PCGF5: variants seen among roughly 807,000 people sequenced by gnomAD.
PCGF5 encodes polycomb group ring finger 5.
A neutral mutation model predicts 44.3 loss-of-function variants in PCGF5; 9 were observed. That is an observed-to-expected ratio of 0.20 (90% CI 0.12 to 0.35). The LOEUF (loss-of-function observed/expected upper bound fraction) is 0.35, where lower values mean the gene tolerates loss of function less well. Among genes scored for constraint, PCGF5 ranks in the 10% least tolerant of loss-of-function variants. The probability of loss-of-function intolerance (pLI) is 1.00; values close to 1 mark genes in which losing one functional copy is unlikely to be tolerated. For missense variants in PCGF5, 146 were observed against 305.3 expected (o/e 0.48, Z 3.89); for synonymous variants, 95 against 102.5 (o/e 0.93, Z 0.44).
At chr10:91,180,996 T>G (rs1200728744) in intron 1 of PCGF5, among the ~76,000 whole-genome samples, 3 of 152,244 alleles carry the variant, frequency 2.0e-5, no homozygotes, top group African/African-American at 4.8e-5. Flanking sequence ...GGAATGTTTT[T>G]CAATTTGTGT....
intron 6 of PCGF5, 145 bp downstream of exon 6, chr10:91,251,585 C>A: frequency 3.6e-6 from 3 of 828,990 alleles, no homozygotes; most frequent in Non-Finnish European, 3.7e-6. Flanking sequence ...CTTTGACAAT[C>A]CTATGCTTAG....
chr10:91,185,356 C>T (rs1401594660), intron 1 of PCGF5, among the ~76,000 whole-genome samples: 1 of 152,218 alleles, frequency 6.6e-6, no homozygotes, highest in East Asian at 1.9e-4. Flanking sequence ...TTTGGACTCT[C>T]CAAAGCCCAC....
At chr10:91,226,716 G>A (rs975545428) in intron 2 of PCGF5, among the ~76,000 whole-genome samples, 13 of 152,080 alleles carry the variant, frequency 8.5e-5, no homozygotes, top group Non-Finnish European at 1.6e-4. Context: ...CCCAAAAGGT[G>A]AGCTCATCAA....
intron 5 of PCGF5, 112 bp from the exon 6 acceptor site, chr10:91,251,180 C>T: frequency 2.8e-6 from 2 of 705,258 alleles, no homozygotes; most frequent in Non-Finnish European, 4.3e-6. Context: ...TCTTCAAAAA[C>T]TGTTAGGAAA....
At chr10:91,227,625 G>T in intron 2 of PCGF5, 2 of 1,121,282 alleles carry the variant, frequency 1.8e-6, no homozygotes, top group Non-Finnish European at 2.2e-6. Context: ...GTGTCCAAGT[G>T]GTAATAATTA....
intron 1 of PCGF5, among the ~76,000 whole-genome samples, chr10:91,180,109 C>CT (rs1183405698): frequency 6.6e-6 from 1 of 152,066 alleles, no homozygotes; most frequent in East Asian, 1.9e-4. Flanking sequence ...TGATGTTGAG[C>CT]TTTTTTTCAT....
At chr10:91,192,699 T>A (rs1471875817) in intron 1 of PCGF5, among the ~76,000 whole-genome samples, 2 of 152,192 alleles carry the variant, frequency 1.3e-5, no homozygotes, top group Non-Finnish European at 2.9e-5. Context: ...AGTAAACATT[T>A]ATTATATGGT....
At chr10:91,191,164 C>G (rs1478263683) in intron 1 of PCGF5, among the ~76,000 whole-genome samples, 1 of 152,140 alleles carries the variant, frequency 6.6e-6, no homozygotes, top group East Asian at 1.9e-4. Context: ...ACAAATTAGG[C>G]ACAGTAAAAG....
intron 3 of PCGF5, among the ~76,000 whole-genome samples, chr10:91,244,450 A>T (rs1845407192): frequency 1.3e-5 from 2 of 152,178 alleles, no homozygotes; most frequent in Non-Finnish European, 2.9e-5. Flanking sequence ...GAGCAGAGAG[A>T]TCATGAGATT....
chr10:91,169,660 C>A lies in PCGF5; in HGVS notation c.-184+6579C>A, dbSNP rs1475848689. Among the ~76,000 whole-genome samples, 7 of 151,988 alleles carry A rather than the reference C, an allele frequency of 4.6e-5. No individual in the cohort carries two copies. The East Asian group carries it at 1.2e-3, about 25-fold the overall frequency. On this transcript the variant is annotated intron_variant, in intron 1 of 9. Coordinates refer to the PCGF5 transcript ENST00000614189. Reference sequence around the variant, plus strand: ...GAATTAAGTAAATGGAGATATAGTCCATCTTCATAGGTAGGAAGACTCAAT... The same window carrying A: ...GAATTAAGTAAATGGAGATATAGTCAATCTTCATAGGTAGGAAGACTCAAT...
At chr10:91,264,199 G>T (rs1845993797) in intron 7 of PCGF5, among the ~76,000 whole-genome samples, 1 of 152,094 alleles carries the variant, frequency 6.6e-6, no homozygotes, top group African/African-American at 2.4e-5. Context: ...TTGAGATACA[G>T]GTATATGGGA....
chr10:91,256,028 G>A (rs1845744886), intron 6 of PCGF5, among the ~76,000 whole-genome samples: 1 of 151,810 alleles, frequency 6.6e-6, no homozygotes, highest in South Asian at 2.1e-4. Flanking sequence ...TTTTTGATCT[G>A]TGATTGCTTG....
chr10:91,198,914 C>T (rs747207999), intron 1 of PCGF5, among the ~76,000 whole-genome samples: 2 of 152,120 alleles, frequency 1.3e-5, no homozygotes, highest in African/African-American at 4.8e-5. Context: ...TCTTGTTCTC[C>T]TCCTCTCTCA....
intron 1 of PCGF5, among the ~76,000 whole-genome samples, chr10:91,221,171 C>G (rs1844666701): frequency 6.6e-6 from 1 of 152,124 alleles, no homozygotes; most frequent in Admixed American, 6.5e-5. Context: ...TGGGTCCTGC[C>G]GGAGAACGCA....
chr10:91,208,720 C>G (rs1302034141), intron 1 of PCGF5, among the ~76,000 whole-genome samples: 1 of 152,192 alleles, frequency 6.6e-6, no homozygotes, highest in African/African-American at 2.4e-5. Context: ...ATGAGGAATG[C>G]TGGCCTCACA....
chr10:91,172,641 G>A (rs1030685569), intron 1 of PCGF5, among the ~76,000 whole-genome samples: 14 of 152,218 alleles, frequency 9.2e-5, no homozygotes, highest in African/African-American at 2.7e-4. Flanking sequence ...TGGCAAAAAG[G>A]TGTTGGTTAC....
chr10:91,177,421 T>C (rs1169780636), intron 1 of PCGF5, among the ~76,000 whole-genome samples: 1 of 152,242 alleles, frequency 6.6e-6, no homozygotes, highest in African/African-American at 2.4e-5. Context: ...GAACCACTAC[T>C]GTCTTCCAAG....
rs565415110 is a variant in PCGF5, at chr10:91,198,403, G to A, written c.-183-24286G>A. On this transcript the variant is annotated intron_variant, in intron 1 of 9. Coordinates refer to the PCGF5 transcript ENST00000614189. The stretch of plus-strand genomic sequence containing the variant: ...AACTATAAGACCAACTTCCTTACCT[G>A]TTTTGTGGTCTTTACCCAGATGCCA... Among the ~76,000 whole-genome samples the A allele has an allele frequency of 1.2e-3, 190 of 152,272 alleles. 1 individual carries two copies. Among genetic ancestry groups the A allele is most frequent in the Non-Finnish European group, 2.3e-3 (159 of 68,016 alleles).
At chr10:91,263,601 T>C (rs899923296) in intron 7 of PCGF5, among the ~76,000 whole-genome samples, 1 of 152,222 alleles carries the variant, frequency 6.6e-6, no homozygotes, top group Non-Finnish European at 1.5e-5. Context: ...GTTATATTAT[T>C]TGTAGGGATC....
Sources: gnomAD v4.1 joint callset for allele counts (sites outside exome capture counted in the v4.1 genomes callset) on GRCh38, gnomAD v4.1.1 for gene constraint, MANE v1.5 for transcripts, NCBI Gene and HGNC (gene_info 2026-07-23, HGNC 2026-07-21) for gene names.